Variants in ALG10B observed in about 807,000 individuals in gnomAD.
ALG10B encodes dol-P-Glc:Glc(2)Man(9)GlcNAc(2)-PP-Dol alpha-1,2-glucosyltransferase B.
A neutral mutation model predicts 38.7 loss-of-function variants in ALG10B; 27 were observed. That is an observed-to-expected ratio of 0.70 (90% CI 0.51 to 0.96). ALG10B has a LOEUF of 0.96. ALG10B is among the 40% of genes least tolerant of loss of function. The pLI, the probability that ALG10B is intolerant of heterozygous loss-of-function variation, is 0.00. For missense variants in ALG10B, 522 were observed against 542.7 expected (o/e 0.96, Z 0.38); for synonymous variants, 177 against 193.3 (o/e 0.92, Z 0.70).
rs780209435 is a variant in ALG10B, at chr12:38,321,568, A to G, written c.*355A>G. On this transcript the variant is annotated 3_prime_UTR_variant, in exon 3 of 3. Coordinates refer to ENST00000308742, the MANE Select transcript of ALG10B (RefSeq NM_001013620.4). ...ACTAGAACTAATTTATTCTCTTCAG[A>G]GAGAACTATTAGGTTAGTGCAAAAG... is the stretch of plus-strand genomic sequence containing the variant. The G allele has an allele frequency of 1.5e-4, 25 of 161,710 alleles. No individual in the cohort carries two copies. Among genetic ancestry groups the G allele is most frequent in the Non-Finnish European group, 2.8e-4 (21 of 74,206 alleles). The allele number at this position is 161,710 out of a possible 1,614,324, so 10.0% of individuals were successfully genotyped here.
At position 38,321,284 on chromosome 12, in the gene ALG10B, G is replaced by C. The variant is rs929334755; in HGVS notation, c.*71G>C. 37 of 1,477,332 alleles carry C rather than the reference G, an allele frequency of 2.5e-5. No homozygotes were observed. The highest frequency in any genetic ancestry group is 8.3e-6 in the Non-Finnish European group (9 of 1,088,980). The allele number at this position is 1,477,332 out of a possible 1,614,324, so 91.5% of individuals were successfully genotyped here. A position where few individuals can be genotyped will look rare whatever the true frequency, so the allele number is the denominator to read the frequency against. Reference sequence around the variant, plus strand: ...CATTTCTACAAAGAACAACTGAATAGGTGGAAAACATGGAATTTCTTTTAG... The same window carrying C: ...CATTTCTACAAAGAACAACTGAATACGTGGAAAACATGGAATTTCTTTTAG... On this transcript the variant is annotated 3_prime_UTR_variant, in exon 3 of 3. Coordinates refer to ENST00000308742, the MANE Select transcript of ALG10B (RefSeq NM_001013620.4).
chr12:38,320,420 A>G lies in ALG10B; in HGVS notation c.629A>G (p.Lys210Arg). The G allele has an allele frequency of 6.2e-7, 1 of 1,614,116 alleles. No individual in the cohort carries two copies. Among genetic ancestry groups the G allele is most frequent in the Non-Finnish European group, 8.5e-7 (1 of 1,179,968 alleles). The change falls in exon 3 of 3, where the codon AAA becomes AGA. Residue 210 changes from lysine to arginine, a missense_variant. Lys to Arg is a conservative substitution (Grantham distance 26, BLOSUM62 2). Coordinates refer to ENST00000308742, the MANE Select transcript of ALG10B (RefSeq NM_001013620.4). ...VIAQKLTEAW[K>R]TELQKKEDRL... ...GCACAAAAGTTAACTGAGGCTTGGA[A>G]AACTGAGCTACAAAAGAAGGAAGAC...
In ALG10B at chr12:38,329,023, G is replaced by A. The variant is rs193267240; in HGVS notation, c.*7810G>A. 852 of 393,368 alleles carry A rather than the reference G, an allele frequency of 2.2e-3. 3 individuals are homozygous for A. Among genetic ancestry groups the A allele is most frequent in the Middle Eastern group, 4.5e-3 (7 of 1,554 alleles). 24.4% of individuals were successfully genotyped at this position (393,368 alleles called of 1,614,324 possible). A position where few individuals can be genotyped will look rare whatever the true frequency, so the allele number is the denominator to read the frequency against. The stretch of plus-strand genomic sequence containing the variant: ...GCTGGGATTCGTAACCAGGCAGCCT[G>A]ACTCCAAAATCAATATTCTTAACTC... On this transcript the variant is annotated 3_prime_UTR_variant, in exon 3 of 3. Transcript: ENST00000308742.
At position 38,321,119 on chromosome 12, in the gene ALG10B, G is replaced by T. The variant is rs761050680; in HGVS notation, c.1328G>T (p.Cys443Phe). 6.2e-7 allele frequency: 1 copy of T among 1,613,684 alleles called. No homozygotes were observed. The highest frequency in any genetic ancestry group is 1.7e-5 in the Admixed American group (1 of 60,000). The stretch of plus-strand genomic sequence containing the variant: ...TCCAGACTTGTTTGTGAACTGAGTT[G>T]CTATGCAATTGTTAATTTCATAACT... ...PTSRLVCELS[C>F]YAIVNFITFY... is the part of the protein sequence containing the mutation. Residue 443 changes from cysteine (C) to phenylalanine (F), a missense_variant, in exon 3 of 3, where the codon TGC becomes TTC. Physicochemically the swap from Cys to Phe is radical, Grantham distance 205. Transcript: ENST00000308742.
intron 1 of ALG10B, 54 bp from the exon 2 acceptor site, chr12:38,318,207 T>C: frequency 2.5e-6 from 4 of 1,603,558 alleles, no homozygotes; most frequent in South Asian, 2.2e-5. Context: ...CATATTTGTG[T>C]CTGTCTTGTT....
chr12:38,327,909 G>A lies in ALG10B; in HGVS notation c.*6696G>A, dbSNP rs1217807964. On this transcript the variant is annotated 3_prime_UTR_variant, in exon 3 of 3. Coordinates refer to ENST00000308742, the MANE Select transcript of ALG10B (RefSeq NM_001013620.4). ...CTATCACTTGATAAGCTCTCTTGAA[G>A]AATAATTATTTGAAAGATTGGACTT... 6.6e-6 allele frequency: 1 copy of A among 152,146 alleles called. No individual in the cohort carries two copies. Among genetic ancestry groups the A allele is most frequent in the African/African-American group, 2.4e-5 (1 of 41,440 alleles). The allele number at this position is 152,146 out of a possible 1,614,324, so 9.4% of individuals were successfully genotyped here.
In ALG10B at chr12:38,327,284, G is replaced by A. The variant is rs1379278536; in HGVS notation, c.*6071G>A. 1 of 151,548 alleles carries A rather than the reference G, an allele frequency of 6.6e-6. No individual in the cohort carries two copies. The highest frequency in any genetic ancestry group is 1.5e-5 in the Non-Finnish European group (1 of 67,916). The allele number at this position is 151,548 out of a possible 1,614,324, so 9.4% of individuals were successfully genotyped here. On this transcript the variant is annotated 3_prime_UTR_variant, in exon 3 of 3. Transcript: ENST00000308742. ...CAACAAGAAAAATATTAAATGTATT[G>A]GTTTTTCACAGTGAAACTTAATTCA... is the stretch of plus-strand genomic sequence containing the variant.
At position 38,327,717 on chromosome 12, in the gene ALG10B, G is replaced by GT. The variant is rs1260735568; in HGVS notation, c.*6507dup. ...TGAAAATCCATGTTTGCTCTCTGCAGTTTCCAAACCATTCATGACGTGTTA... is the reference window on the plus strand; with the variant it reads ...TGAAAATCCATGTTTGCTCTCTGCAGTTTTCCAAACCATTCATGACGTGTTA... On this transcript the variant is annotated 3_prime_UTR_variant, in exon 3 of 3. Coordinates refer to ENST00000308742, the MANE Select transcript of ALG10B (RefSeq NM_001013620.4). The GT allele has an allele frequency of 1.3e-5, 2 of 152,048 alleles. No homozygotes were observed. The highest frequency in any genetic ancestry group is 4.8e-5 in the African/African-American group (2 of 41,370). 9.4% of individuals were successfully genotyped at this position (152,048 alleles called of 1,614,324 possible). A position where few individuals can be genotyped will look rare whatever the true frequency, so the allele number is the denominator to read the frequency against.
Position 38,324,802 on chromosome 12 carries a change from T to C in ALG10B, c.*3589T>C, listed in dbSNP as rs1204357022. The C allele has an allele frequency of 6.6e-6, 1 of 152,242 alleles. No individual in the cohort carries two copies. The highest frequency in any genetic ancestry group is 2.1e-4 in the South Asian group (1 of 4,836). The allele number at this position is 152,242 out of a possible 1,614,324, so 9.4% of individuals were successfully genotyped here. A position where few individuals can be genotyped will look rare whatever the true frequency, so the allele number is the denominator to read the frequency against. On this transcript the variant is annotated 3_prime_UTR_variant, in exon 3 of 3. Transcript: ENST00000308742. ...GTTATATTTGTGTTTTCAAAAGTTATTGAGTAGATAGATATTTTTTCATGA... is the reference window on the plus strand; with the variant it reads ...GTTATATTTGTGTTTTCAAAAGTTACTGAGTAGATAGATATTTTTTCATGA...
At chr12:38,318,559 T>C (rs1333123636) in intron 2 of ALG10B, 101 bp downstream of exon 2, 27 of 1,311,042 alleles carry the variant, frequency 2.1e-5, no homozygotes, top group Non-Finnish European at 2.9e-5. Flanking sequence ...TTTAACACTT[T>C]GTAACTTTGT....
Position 38,321,293 on chromosome 12 carries a change from C to T in ALG10B, c.*80C>T. ...AAAGAACAACTGAATAGGTGGAAAA[C>T]ATGGAATTTCTTTTAGGTGCAGTGG... On this transcript the variant is annotated 3_prime_UTR_variant, in exon 3 of 3. Coordinates refer to ENST00000308742, the MANE Select transcript of ALG10B (RefSeq NM_001013620.4). 6.9e-7 allele frequency: 1 copy of T among 1,442,944 alleles called. No individual in the cohort carries two copies. The highest frequency in any genetic ancestry group is 1.4e-5 in the South Asian group (1 of 72,996). The allele number at this position is 1,442,944 out of a possible 1,614,324, so 89.4% of individuals were successfully genotyped here.
intron 2 of ALG10B, among the ~76,000 whole-genome samples, chr12:38,319,438 A>G (rs1945682801): frequency 1.3e-5 from 2 of 152,174 alleles, no homozygotes; most frequent in South Asian, 4.1e-4. Context: ...CACAGAGAGG[A>G]CTTTGAACTT....
intron 1 of ALG10B, chr12:38,317,805 C>A (rs532699556): frequency 6.8e-4 from 122 of 178,954 alleles, no homozygotes; most frequent in South Asian, 3.0e-3. Context: ...TGCAAAATGA[C>A]AATAATCTTT....
At chr12:38,319,296 G>A (rs1278644278) in intron 2 of ALG10B, among the ~76,000 whole-genome samples, 9 of 152,048 alleles carry the variant, frequency 5.9e-5, no homozygotes. Context: ...TTAATCCTGG[G>A]GAGACAAACA....
At position 38,328,246 on chromosome 12, in the gene ALG10B, G is replaced by A. The variant is rs1240452044; in HGVS notation, c.*7033G>A. ...GTCAAGTATTTCTGATGACTTACAT[G>A]CTGTCTTTGGTATATTTTAAGTTTC... is the stretch of plus-strand genomic sequence containing the variant. On this transcript the variant is annotated 3_prime_UTR_variant, in exon 3 of 3. Coordinates refer to ENST00000308742, the MANE Select transcript of ALG10B (RefSeq NM_001013620.4). 1.5e-4 allele frequency: 23 copies of A among 152,150 alleles called. No homozygotes were observed. In the South Asian group the frequency reaches 4.2e-3, roughly 27 times the overall value. The allele number at this position is 152,150 out of a possible 1,614,324, so 9.4% of individuals were successfully genotyped here.
Position 38,328,930 on chromosome 12 carries a change from G to C in ALG10B, c.*7717G>C, listed in dbSNP as rs927013845. ...ATAACAACTCTATGAGATCAGTACC[G>C]TACACATGGGGAAACTTAGTATAGA... is the stretch of plus-strand genomic sequence containing the variant. On this transcript the variant is annotated 3_prime_UTR_variant, in exon 3 of 3. Coordinates refer to ENST00000308742, the MANE Select transcript of ALG10B (RefSeq NM_001013620.4). 2.6e-4 allele frequency: 85 copies of C among 324,524 alleles called. No individual in the cohort carries two copies. The highest frequency in any genetic ancestry group is 6.8e-4 in the Admixed American group (14 of 20,610). The allele number at this position is 324,524 out of a possible 1,614,324, so 20.1% of individuals were successfully genotyped here.
rs368527816 is a variant in ALG10B at position 38,321,257 on chromosome 12, A to G, written c.*44A>G. On this transcript the variant is annotated 3_prime_UTR_variant, in exon 3 of 3. Coordinates refer to ENST00000308742, the MANE Select transcript of ALG10B (RefSeq NM_001013620.4). ...CTGTAAAAATGGACTTAATAATTAGACCATTTCTACAAAGAACAACTGAAT... is the reference window on the plus strand; with the variant it reads ...CTGTAAAAATGGACTTAATAATTAGGCCATTTCTACAAAGAACAACTGAAT... 257 of 1,569,662 alleles carry G rather than the reference A, an allele frequency of 1.6e-4. No homozygotes were observed. Among genetic ancestry groups the G allele is most frequent in the Non-Finnish European group, 2.1e-4 (243 of 1,148,722 alleles).
chr12:38,323,946 T>C lies in ALG10B; in HGVS notation c.*2733T>C. ...CTGAGAGGAGAAGCTTCCACTCTGA[T>C]CTAGTCTGGCAAAATTGAGGAAAAT... On this transcript the variant is annotated 3_prime_UTR_variant, in exon 3 of 3. Coordinates refer to ENST00000308742, the MANE Select transcript of ALG10B (RefSeq NM_001013620.4). The C allele has an allele frequency of 1.4e-6, 1 of 701,994 alleles. No individual in the cohort carries two copies. The highest frequency in any genetic ancestry group is 2.6e-6 in the Non-Finnish European group (1 of 384,744). The allele number at this position is 701,994 out of a possible 1,614,324, so 43.5% of individuals were successfully genotyped here. A position where few individuals can be genotyped will look rare whatever the true frequency, so the allele number is the denominator to read the frequency against.
Position 38,317,165 on chromosome 12 carries a change from C to A in ALG10B, c.171+101C>A, listed in dbSNP as rs539285881. On this transcript the variant is annotated intron_variant, in intron 1 of 2. Transcript: ENST00000308742. ...TAGACTTAACTCGTCCCTTTCCACCCCACCCCAGCCTCAGAACATGAAAGA... is the reference window on the plus strand; with the variant it reads ...TAGACTTAACTCGTCCCTTTCCACCACACCCCAGCCTCAGAACATGAAAGA... 39 of 1,533,042 alleles carry A rather than the reference C, an allele frequency of 2.5e-5. No homozygotes were observed. The South Asian group carries it at 4.3e-4, about 17-fold the overall frequency. The allele number at this position is 1,533,042 out of a possible 1,614,324, so 95.0% of individuals were successfully genotyped here. A position where few individuals can be genotyped will look rare whatever the true frequency, so the allele number is the denominator to read the frequency against.
Sources: allele counts gnomAD v4.1 joint callset (sites outside exome capture counted in the v4.1 genomes callset), GRCh38; gene constraint gnomAD v4.1.1; transcripts MANE v1.5; gene names NCBI Gene and HGNC (gene_info 2026-07-23, HGNC 2026-07-21).